The following TNFSF13B variants were observed in gnomAD, a reference collection of about 807,000 sequenced individuals.
The protein encoded by TNFSF13B is tumor necrosis factor ligand superfamily member 13B.
TNFSF13B carries 8 observed loss-of-function variants against 29.1 expected under a neutral mutation model. The observed-to-expected ratio is 0.27, with a 90% CI of 0.16 to 0.50. TNFSF13B has a LOEUF of 0.50. Ranked by LOEUF, TNFSF13B falls within the 20% of genes least tolerant of loss-of-function variation. The pLI is 0.98. For missense variants in TNFSF13B, 248 were observed against 334.9 expected (o/e 0.74, Z 2.03); for synonymous variants, 125 against 130.8 (o/e 0.96, Z 0.30).
intron 3 of TNFSF13B, among the ~76,000 whole-genome samples, chr13:108,299,648 C>A (rs923803512): frequency 5.3e-5 from 8 of 152,020 alleles, no homozygotes; most frequent in Non-Finnish European, 7.4e-5. Flanking sequence ...AAATAAAAAT[C>A]TCTCCTGGTA....
At chr13:108,286,277 C>G (rs984652131) in intron 2 of TNFSF13B, among the ~76,000 whole-genome samples, 1 of 152,058 alleles carries the variant, frequency 6.6e-6, no homozygotes, top group African/African-American at 2.4e-5. Context: ...TTTTAGGATT[C>G]TTGTGAGGGT....
At position 108,307,057 on chromosome 13, in the gene TNFSF13B, A is replaced by C. The variant is rs930175895; in HGVS notation, c.*119A>C. The C allele has an allele frequency of 1.1e-5, 7 of 659,230 alleles. No individual in the cohort carries two copies. In the South Asian group the frequency reaches 1.4e-4, roughly 13 times the overall value. 40.8% of individuals were successfully genotyped at this position (659,230 alleles called of 1,614,324 possible). On this transcript the variant is annotated 3_prime_UTR_variant, in exon 6 of 6. Transcript: ENST00000375887. ...AAAAAAAAAAAAAAAAGTAGTTACCATTGCCTTTTCTGTGAGCTATTTGTT... is the reference window on the plus strand; with the variant it reads ...AAAAAAAAAAAAAAAAGTAGTTACCCTTGCCTTTTCTGTGAGCTATTTGTT...
chr13:108,278,656 C>CCTCCTCCTCCACT (rs1880837921), intron 2 of TNFSF13B, among the ~76,000 whole-genome samples: 1 of 13,508 alleles, frequency 7.4e-5, no homozygotes, highest in Non-Finnish European at 1.8e-4. Context: ...ACTTCTCTTT[C>CCTCCTCCTCCACT]TCCTCCTCCT....
chr13:108,296,787 G>A lies in TNFSF13B; in HGVS notation c.482-6466G>A, dbSNP rs1230238744. Among the ~76,000 whole-genome samples the A allele has an allele frequency of 2.8e-5, 4 of 144,222 alleles. 1 individual carries two copies. Among genetic ancestry groups the A allele is most frequent in the Non-Finnish European group, 6.1e-5 (4 of 65,084 alleles). 94.6% of individuals were successfully genotyped at this position (144,222 alleles called of 152,430 possible). A position where few individuals can be genotyped will look rare whatever the true frequency, so the allele number is the denominator to read the frequency against. ...TGCATTTTTAAAAGTCATTATCATAGTTGTTATTCTGGTGATCACAATAAA... is the reference window on the plus strand; with the variant it reads ...TGCATTTTTAAAAGTCATTATCATAATTGTTATTCTGGTGATCACAATAAA... On this transcript the variant is annotated intron_variant, in intron 3 of 5. Coordinates refer to ENST00000375887, the MANE Select transcript of TNFSF13B (RefSeq NM_006573.5).
At position 108,298,493 on chromosome 13, in the gene TNFSF13B, A is replaced by G. The variant is rs1407508495; in HGVS notation, c.482-4760A>G. Among the ~76,000 whole-genome samples, 5 of 145,660 alleles carry G rather than the reference A, an allele frequency of 3.4e-5. 1 individual carries two copies. The highest frequency in any genetic ancestry group is 7.6e-5 in the Non-Finnish European group (5 of 65,654). ...CTAAAAAGTTCAGTAAACTTCAAGG[A>G]GGGTAAAGACAAAAAGATTCCAAAT... is the stretch of plus-strand genomic sequence containing the variant. On this transcript the variant is annotated intron_variant, in intron 3 of 5. Coordinates refer to ENST00000375887, the MANE Select transcript of TNFSF13B (RefSeq NM_006573.5).
At chr13:108,289,348 A>G (rs1309578218) in intron 3 of TNFSF13B, among the ~76,000 whole-genome samples, 2 of 152,020 alleles carry the variant, frequency 1.3e-5, no homozygotes, top group African/African-American at 4.8e-5. Flanking sequence ...TAGGATGGAC[A>G]GGTTGCCCTT....
chr13:108,300,972 T>C (rs1881606949), intron 3 of TNFSF13B, among the ~76,000 whole-genome samples: 1 of 152,324 alleles, frequency 6.6e-6, no homozygotes, highest in African/African-American at 2.4e-5. Context: ...ACTAGGGAAA[T>C]GTTATTTATT....
At chr13:108,280,783 A>C (rs1041849659) in intron 2 of TNFSF13B, among the ~76,000 whole-genome samples, 1 of 151,564 alleles carries the variant, frequency 6.6e-6, no homozygotes, top group Non-Finnish European at 1.5e-5. Context: ...CATCTCCTAT[A>C]TTGCTTTAAG....
intron 3 of TNFSF13B, chr13:108,302,799 G>C: frequency 1.0e-6 from 1 of 985,880 alleles, no homozygotes; most frequent in Non-Finnish European, 1.2e-6. Context: ...GCCACATTTG[G>C]GCCAAGGAAT....
intron 2 of TNFSF13B, among the ~76,000 whole-genome samples, chr13:108,272,989 A>T (rs1356891687): frequency 6.6e-6 from 1 of 152,120 alleles, no homozygotes; most frequent in Non-Finnish European, 1.5e-5. Context: ...TTGTGTTTTA[A>T]TGGCATCCAG....
rs1333250854 is a variant in TNFSF13B at position 108,308,414 on chromosome 13, G to A, written c.*1476G>A. 2 of 152,048 alleles carry A rather than the reference G, an allele frequency of 1.3e-5. No individual in the cohort carries two copies. Among genetic ancestry groups the A allele is most frequent in the African/African-American group, 4.8e-5 (2 of 41,426 alleles). The allele number at this position is 152,048 out of a possible 1,614,324, so 9.4% of individuals were successfully genotyped here. A position where few individuals can be genotyped will look rare whatever the true frequency, so the allele number is the denominator to read the frequency against. ...GTCAGTTTCAATGCTAGGTGGGGTG[G>A]TTAATGATTTTTCTGGTGTTGCTGC... On this transcript the variant is annotated 3_prime_UTR_variant, in exon 6 of 6. Transcript: ENST00000375887.
intron 2 of TNFSF13B, among the ~76,000 whole-genome samples, chr13:108,280,986 C>T (rs1176199463): frequency 1.3e-5 from 2 of 152,110 alleles, no homozygotes. Flanking sequence ...GTAGCTCACA[C>T]CTCTAATGCC....
At chr13:108,295,454 A>C (rs1316826510) in intron 3 of TNFSF13B, among the ~76,000 whole-genome samples, 2 of 144,990 alleles carry the variant, frequency 1.4e-5, no homozygotes, top group East Asian at 3.9e-4. Context: ...TGGCCTCTCA[A>C]AATGCTGGGA....
chr13:108,284,292 G>A (rs1395728255), intron 2 of TNFSF13B, among the ~76,000 whole-genome samples: 1 of 152,178 alleles, frequency 6.6e-6, no homozygotes, highest in Non-Finnish European at 1.5e-5. Flanking sequence ...TCGCGCCACT[G>A]CACTCCAGCC....
chr13:108,298,717 C>A (rs1881521810), intron 3 of TNFSF13B, among the ~76,000 whole-genome samples: 1 of 145,462 alleles, frequency 6.9e-6, no homozygotes, highest in Non-Finnish European at 1.5e-5. Context: ...TAGCTCATGC[C>A]TGTAATCCCA....
At chr13:108,292,311 C>A (rs1881340987) in intron 3 of TNFSF13B, among the ~76,000 whole-genome samples, 1 of 152,020 alleles carries the variant, frequency 6.6e-6, no homozygotes, top group African/African-American at 2.4e-5. Context: ...ATACTTCATG[C>A]CTCTGTATGA....
At chr13:108,306,292 G>A (rs554210071) in intron 5 of TNFSF13B, among the ~76,000 whole-genome samples, 8 of 151,836 alleles carry the variant, frequency 5.3e-5, no homozygotes, top group African/African-American at 9.7e-5. Context: ...ATCCATAGTC[G>A]GGACTCTCAA....
intron 2 of TNFSF13B, among the ~76,000 whole-genome samples, chr13:108,280,361 C>G (rs1387810004): frequency 2.0e-5 from 3 of 152,122 alleles, no homozygotes; most frequent in Non-Finnish European, 4.4e-5. Flanking sequence ...CATGTTGAAT[C>G]TGAAGTATCA....
At position 108,269,853 on chromosome 13, in the gene TNFSF13B, C is replaced by G; in HGVS notation, c.-43C>G. ...CAGGAAATGATCCATTCCCTGTGGT[C>G]ACTTATTCTAAAGGCCCCAACCTTC... On this transcript the variant is annotated 5_prime_UTR_variant, in exon 1 of 6. The change creates a premature stop within an existing upstream ORF in the 5' untranslated region. Coordinates refer to ENST00000375887, the MANE Select transcript of TNFSF13B (RefSeq NM_006573.5). 1 of 1,516,760 alleles carries G rather than the reference C, an allele frequency of 6.6e-7. No individual in the cohort carries two copies. The highest frequency in any genetic ancestry group is 8.9e-7 in the Non-Finnish European group (1 of 1,122,540). 94.0% of individuals were successfully genotyped at this position (1,516,760 alleles called of 1,614,324 possible). A position where few individuals can be genotyped will look rare whatever the true frequency, so the allele number is the denominator to read the frequency against.
Sources: allele counts gnomAD v4.1 joint callset (sites outside exome capture counted in the v4.1 genomes callset), GRCh38; gene constraint gnomAD v4.1.1; transcripts MANE v1.5; gene names NCBI Gene and HGNC (gene_info 2026-07-23, HGNC 2026-07-21).